Variants in PXDNL observed in about 807,000 individuals in gnomAD.
PXDNL encodes peroxidasin like, also known as probable oxidoreductase PXDNL.
Under a neutral mutation model 150.8 loss-of-function variants are expected in PXDNL, and 145 were observed. That is an observed-to-expected ratio of 0.96 (90% CI 0.84 to 1.10). The LOEUF (loss-of-function observed/expected upper bound fraction) is 1.10. Ranked by LOEUF, PXDNL falls within the 50% of genes least tolerant of loss-of-function variation. The pLI is 0.00. For missense variants in PXDNL, 2,087 were observed against 1,873.9 expected, an observed-to-expected ratio of 1.11 and a Z score of -2.10; for synonymous variants, 757 against 725.7, an observed-to-expected ratio of 1.04 and a Z score of -0.69.
intron 19 of PXDNL, 131 bp from the exon 20 acceptor site, chr8:51,346,078 G>C: frequency 1.7e-6 from 1 of 576,236 alleles, no homozygotes; most frequent in South Asian, 2.3e-5. Context: ...GAGTGAGAGA[G>C]ACTCATTTAG....
At chr8:51,766,284 T>G (rs553744952) in intron 1 of PXDNL, among the ~76,000 whole-genome samples, 2 of 152,360 alleles carry the variant, frequency 1.3e-5, no homozygotes, top group South Asian at 4.1e-4. Flanking sequence ...TATATTACTA[T>G]TGTCATGCAA....
At chr8:51,735,555 T>TGTTTTTTTTTTG (rs1257951995) in intron 1 of PXDNL, among the ~76,000 whole-genome samples, 1 of 114,712 alleles carries the variant, frequency 8.7e-6, no homozygotes, top group Non-Finnish European at 1.8e-5. Context: ...TTTTTTTTTT[T>TGTTTTTTTTTTG]TTTTTTTTTG....
chr8:51,772,770 G>A (rs2037312326), intron 1 of PXDNL, among the ~76,000 whole-genome samples: 1 of 152,230 alleles, frequency 6.6e-6, no homozygotes, highest in South Asian at 2.1e-4. Flanking sequence ...GTCAGGGGCA[G>A]AGTTAATGAA....
intron 4 of PXDNL, among the ~76,000 whole-genome samples, chr8:51,505,589 TG>T (rs1192923839): frequency 6.6e-6 from 1 of 152,228 alleles, no homozygotes. Flanking sequence ...AAAGGAGTAC[TG>T]TTGGCAGAAG....
chr8:51,670,565 TATG>T (rs1815478218), intron 1 of PXDNL, among the ~76,000 whole-genome samples: 1 of 152,198 alleles, frequency 6.6e-6, no homozygotes, highest in African/African-American at 2.4e-5. Context: ...ATAATAAAAA[TATG>T]ATATTATAAT....
At chr8:51,453,489 C>T (rs779206569) in intron 10 of PXDNL, 30 bp downstream of exon 10, 4 of 1,602,570 alleles carry the variant, frequency 2.5e-6, no homozygotes, top group Non-Finnish European at 3.4e-6. Flanking sequence ...GCAGGAGGAA[C>T]ATTTCAATCA....
chr8:51,440,769 G>T (rs1318824588), intron 12 of PXDNL, among the ~76,000 whole-genome samples: 1 of 152,212 alleles, frequency 6.6e-6, no homozygotes, highest in Non-Finnish European at 1.5e-5. Flanking sequence ...ACACAGCAGG[G>T]TATTAAGGGG....
At chr8:51,795,916 G>T (rs1780763836) in intron 1 of PXDNL, among the ~76,000 whole-genome samples, 1 of 152,216 alleles carries the variant, frequency 6.6e-6, no homozygotes, top group South Asian at 2.1e-4. Flanking sequence ...ACCCTGGAGA[G>T]AGACATCGTG....
At chr8:51,794,156 G>A (rs1439948457) in intron 1 of PXDNL, among the ~76,000 whole-genome samples, 2 of 152,076 alleles carry the variant, frequency 1.3e-5, no homozygotes, top group Non-Finnish European at 2.9e-5. Flanking sequence ...TGAGAACTAT[G>A]GGATTATGTG....
At chr8:51,588,945 A>G (rs1246784150) in intron 3 of PXDNL, among the ~76,000 whole-genome samples, 2 of 152,220 alleles carry the variant, frequency 1.3e-5, no homozygotes, top group African/African-American at 2.4e-5. Context: ...AAATTCACTG[A>G]AATTTAATTT....
chr8:51,698,320 G>A (rs10090123), intron 1 of PXDNL, among the ~76,000 whole-genome samples: 102,461 of 152,036 alleles, frequency 0.67, 35,484 homozygotes, highest in East Asian at 0.81. Flanking sequence ...CTAAGTTGAC[G>A]TAATATTCTA....
chr8:51,668,746 ATCT>A (rs983252230), intron 1 of PXDNL, among the ~76,000 whole-genome samples: 3 of 152,224 alleles, frequency 2.0e-5, no homozygotes, highest in African/African-American at 7.2e-5. Context: ...AAACAATATC[ATCT>A]TCTTTTCAAA....
In PXDNL at chr8:51,601,004, A is replaced by C. The variant is rs899192606; in HGVS notation, c.237-8306T>G. ...TAATTATATCTTATATAAATTATAT[A>C]GTTTAGATAATAAATTACATCTTAT... is the stretch of plus-strand genomic sequence containing the variant. On this transcript the variant is annotated intron_variant, in intron 2 of 22. Transcript: ENST00000356297. 2.1e-5 allele frequency among the ~76,000 whole-genome samples: 3 copies of C among 145,170 alleles called. No homozygotes were observed. In the Admixed American group the frequency reaches 2.1e-4, roughly 10 times the overall value.
At position 51,592,709 on chromosome 8, in the gene PXDNL, A is replaced by C. The variant is rs1279024233; in HGVS notation, c.237-11T>G. On this transcript the variant is annotated splice_polypyrimidine_tract_variant and intron_variant, in intron 2 of 22. Transcript: ENST00000356297. ...TTGTTGTTCAGCAGACTGAAAAAGC[A>C]AAAACAAACAAATAATTCCCAAATG... The C allele has an allele frequency of 6.5e-7, 1 of 1,533,314 alleles. No homozygotes were observed. Among genetic ancestry groups the C allele is most frequent in the East Asian group, 2.5e-5 (1 of 40,618 alleles). 95.0% of individuals were successfully genotyped at this position (1,533,314 alleles called of 1,614,324 possible). A position where few individuals can be genotyped will look rare whatever the true frequency, so the allele number is the denominator to read the frequency against.
intron 19 of PXDNL, among the ~76,000 whole-genome samples, chr8:51,367,438 T>G (rs146809215): frequency 1.2e-3 from 179 of 152,262 alleles, no homozygotes; most frequent in African/African-American, 4.0e-3. Context: ...CAATTGCTGG[T>G]GGGGAAATAA....
chr8:51,431,563 C>A (rs1809248629), intron 12 of PXDNL, among the ~76,000 whole-genome samples: 1 of 152,096 alleles, frequency 6.6e-6, no homozygotes, highest in Non-Finnish European at 1.5e-5. Context: ...CTGGGAATAA[C>A]TTTTTCTTAG....
At chr8:51,563,403 A>G (rs1163077418) in intron 3 of PXDNL, among the ~76,000 whole-genome samples, 1 of 151,872 alleles carries the variant, frequency 6.6e-6, no homozygotes, top group Non-Finnish European at 1.5e-5. Flanking sequence ...ACTCCCATAC[A>G]GGGGCTCCAC....
chr8:51,667,956 C>CT (rs2130823778), intron 1 of PXDNL, among the ~76,000 whole-genome samples: 1 of 152,212 alleles, frequency 6.6e-6, no homozygotes, highest in Admixed American at 6.5e-5. Context: ...GAAATGTCAG[C>CT]TGACACTGAA....
At chr8:51,727,013 A>G (rs1816828281) in intron 1 of PXDNL, among the ~76,000 whole-genome samples, 1 of 152,196 alleles carries the variant, frequency 6.6e-6, no homozygotes, top group African/African-American at 2.4e-5. Flanking sequence ...GCCTCCCTCC[A>G]TGGCCAAGAG....
Sources: allele counts gnomAD v4.1 joint callset (sites outside exome capture counted in the v4.1 genomes callset), GRCh38; gene constraint gnomAD v4.1.1; transcripts MANE v1.5; gene names NCBI Gene and HGNC (gene_info 2026-07-23, HGNC 2026-07-21).